Variants in ZNF711 observed in about 807,000 individuals in gnomAD.
ZNF711 encodes ZFX family zinc finger ZNF711.
A neutral mutation model predicts 43.5 loss-of-function variants in ZNF711; 3 were observed. That is an observed-to-expected ratio of 0.07 (90% confidence interval 0.03 to 0.18). ZNF711 has a LOEUF of 0.18. ZNF711 is among the 10% of genes least tolerant of loss of function. The pLI is 1.00. For synonymous variants in ZNF711, 209 were observed against 207.7 expected (o/e 1.01, Z -0.06); for missense variants, 412 against 604.0 (o/e 0.68, Z 3.33).
rs1928766948 is a variant in ZNF711 at position 85,244,145 on chromosome X, G to A, written c.-452G>A. 2.2e-5 allele frequency: 3 copies of A among 134,941 alleles called. No individual in the cohort carries two copies. Among genetic ancestry groups the A allele is most frequent in the African/African-American group, 3.6e-5 (1 of 27,627 alleles). 11.1% of individuals were successfully genotyped at this position (134,941 alleles called of 1,213,427 possible). The stretch of plus-strand genomic sequence containing the variant: ...CGGAGGCGGCGGCGGCGGCGGCGGC[G>A]GCAGCGGCGGCGGCAGCGGCGGCGG... On this transcript the variant is annotated 5_prime_UTR_variant, in exon 1 of 11. Transcript: ENST00000674551.
Position 85,271,080 on chromosome X carries a change from G to T in ZNF711, c.1676G>T (p.Gly559Val). The T allele has an allele frequency of 8.3e-7, 1 of 1,210,993 alleles. No individual in the cohort carries two copies. Among genetic ancestry groups the T allele is most frequent in the Non-Finnish European group, 1.1e-6 (1 of 895,221 alleles). Residue 559 changes from glycine to valine, a missense_variant, in exon 11 of 11, where the codon GGT (glycine) becomes GTT (valine). Around this residue, in one of 4 missense-constraint regions of ZNF711, gnomAD observed 375 missense variants for 514.2 expected, o/e 0.73. Transcript: ENST00000674551. ...FPHVCVECGK[G>V]FRHPSELKKH... ...CATGTTTGTGTTGAGTGTGGGAAGG[G>T]TTTTCGACATCCTTCTGAACTCAAG...
rs1388707784 is a variant in ZNF711, at chrX:85,244,150, C to CT, written c.-447_-446insT. On this transcript the variant is annotated 5_prime_UTR_variant, in exon 1 of 11. Transcript: ENST00000674551. ...GCGGCGGCGGCGGCGGCGGCGGCAG[C>CT]GGCGGCGGCAGCGGCGGCGGCAGCT... The CT allele has an allele frequency of 6.7e-6, 1 of 150,090 alleles. No homozygotes were observed. The highest frequency in any genetic ancestry group is 1.2e-5 in the Non-Finnish European group (1 of 80,866). The allele number at this position is 150,090 out of a possible 1,213,427, so 12.4% of individuals were successfully genotyped here. A position where few individuals can be genotyped will look rare whatever the true frequency, so the allele number is the denominator to read the frequency against.
At chrX:85,263,793 A>T (rs1602990574) in intron 5 of ZNF711, among the ~76,000 whole-genome samples, 1 of 111,304 alleles carries the variant, frequency 9.0e-6, no homozygotes, top group Admixed American at 9.6e-5. Context: ...TGTATCTATT[A>T]ATTGAAATCT....
intron 3 of ZNF711, 103 bp from the exon 4 acceptor site, chrX:85,247,444 C>T (rs1929126373): frequency 2.0e-6 from 1 of 498,653 alleles, no homozygotes; most frequent in African/African-American, 2.4e-5. Context: ...AATAAGCTTT[C>T]CACACTTGGT....
intron 4 of ZNF711, among the ~76,000 whole-genome samples, chrX:85,250,297 A>G (rs1354685346): frequency 9.0e-6 from 1 of 111,635 alleles, no homozygotes; most frequent in Non-Finnish European, 1.9e-5. Context: ...AGGAGAATAT[A>G]TATACACACA....
At chrX:85,269,381 CT>C (rs199938735) in intron 9 of ZNF711, among the ~76,000 whole-genome samples, 31 of 90,007 alleles carry the variant, frequency 3.4e-4, no homozygotes, top group South Asian at 1.0e-3. Flanking sequence ...TTTCTTTTTT[CT>C]TTTTTTTTTT....
chrX:85,270,032 A>C lies in ZNF711; in HGVS notation c.1132A>C (p.Arg378=), dbSNP rs1442910719. 8.3e-7 allele frequency: 1 copy of C among 1,210,857 alleles called. No individual in the cohort carries two copies. The highest frequency in any genetic ancestry group is 1.1e-6 in the Non-Finnish European group (1 of 894,839). The change falls in exon 10 of 11, where the codon AGA becomes CGA. Residue 378 remains arginine, a synonymous_variant. Coordinates refer to ENST00000674551, the MANE Select transcript of ZNF711 (RefSeq NM_001330574.2). ...TACTTTGGACTCAGCATTAGAAAGC[A>C]GAAGTAGTACAGCAGCACAGTACCT... The part of the protein sequence containing the change: ...GNTLDSALES[R]SSTAAQYLQI...
chrX:85,256,829 A>G (rs1032485284), intron 5 of ZNF711, among the ~76,000 whole-genome samples: 4 of 111,819 alleles, frequency 3.6e-5, no homozygotes, highest in Admixed American at 2.9e-4. Flanking sequence ...CCACTAAAAG[A>G]CTGCAAATAT....
At chrX:85,262,354 G>GTA (rs1263403253) in intron 5 of ZNF711, among the ~76,000 whole-genome samples, 1 of 110,332 alleles carries the variant, frequency 9.1e-6, no homozygotes, top group Non-Finnish European at 1.9e-5. Context: ...AACTATTCAT[G>GTA]TATAATAAAG....
intron 4 of ZNF711, among the ~76,000 whole-genome samples, chrX:85,253,347 T>C (rs1359808232): frequency 8.9e-6 from 1 of 112,193 alleles, no homozygotes; most frequent in Non-Finnish European, 1.9e-5. Context: ...GACACTTTCA[T>C]GTTCATGATG....
intron 10 of ZNF711, 115 bp from the exon 11 acceptor site, chrX:85,270,536 C>A: frequency 1.6e-6 from 1 of 638,789 alleles, no homozygotes; most frequent in South Asian, 2.6e-5. Flanking sequence ...TACAGGATTT[C>A]ATTCAACTAG....
At chrX:85,256,028 A>G (rs1311716535) in intron 5 of ZNF711, among the ~76,000 whole-genome samples, 1 of 111,541 alleles carries the variant, frequency 9.0e-6, no homozygotes, top group African/African-American at 3.3e-5. Flanking sequence ...GTTTATTAGT[A>G]TCTTAAAATA....
rs1200240972 is a variant in ZNF711 at position 85,255,454 on chromosome X, C to T, written c.275C>T (p.Ala92Val). ...VVTEGVIVPE[A>V]VLEADVAIEE... ...ACAGAAGGTGTGATTGTTCCTGAAG[C>T]GGTACTTGAAGCTGATGTTGCCATT... is the stretch of plus-strand genomic sequence containing the variant. The change falls in exon 5 of 11, where the codon GCG becomes GTG. Residue 92 changes from alanine (A) to valine (V), a missense_variant. Ala to Val is a moderately conservative substitution (Grantham distance 64). Transcript: ENST00000674551. 8 of 1,209,525 alleles carry T rather than the reference C, an allele frequency of 6.6e-6. No homozygotes were observed. Among genetic ancestry groups the T allele is most frequent in the South Asian group, 1.8e-5 (1 of 56,745 alleles).
chrX:85,250,515 CTTA>C (rs1031821379), intron 4 of ZNF711, among the ~76,000 whole-genome samples: 2 of 111,515 alleles, frequency 1.8e-5, no homozygotes, highest in Admixed American at 9.5e-5. Flanking sequence ...TTTAAAGGCA[CTTA>C]TTGTTGTTTT....
At chrX:85,263,255 T>C (rs930686018) in intron 5 of ZNF711, among the ~76,000 whole-genome samples, 10 of 111,154 alleles carry the variant, frequency 9.0e-5, no homozygotes, top group African/African-American at 1.3e-4. Context: ...TTAAATGTTA[T>C]CCTAAAAGAC....
At position 85,272,101 on chromosome X, in the gene ZNF711, G is replaced by A. The variant is rs1931617069; in HGVS notation, c.*273G>A. 1 of 293,301 alleles carries A rather than the reference G, an allele frequency of 3.4e-6. No homozygotes were observed. The highest frequency in any genetic ancestry group is 6.0e-6 in the Non-Finnish European group (1 of 167,995). The allele number at this position is 293,301 out of a possible 1,213,427, so 24.2% of individuals were successfully genotyped here. ...TTATATGCATACTTAAACTACAGAG[G>A]GGAAAAGCAAAGACAAATACTTTAT... is the stretch of plus-strand genomic sequence containing the variant. On this transcript the variant is annotated 3_prime_UTR_variant, in exon 11 of 11. Transcript: ENST00000674551.
intron 5 of ZNF711, among the ~76,000 whole-genome samples, chrX:85,261,273 A>T (rs998250833): frequency 9.0e-6 from 1 of 111,722 alleles, no homozygotes; most frequent in African/African-American, 3.2e-5. Flanking sequence ...TTGTTTATCC[A>T]TTCATCCATC....
Position 85,272,368 on chromosome X carries a change from T to C in ZNF711, c.*540T>C, listed in dbSNP as rs761918833. 2.0e-3 allele frequency: 232 copies of C among 115,581 alleles called. 3 individuals are homozygous for C. Among genetic ancestry groups the C allele is most frequent in the Non-Finnish European group, 3.4e-3 (185 of 55,207 alleles). 9.5% of individuals were successfully genotyped at this position (115,581 alleles called of 1,213,427 possible). On this transcript the variant is annotated 3_prime_UTR_variant, in exon 11 of 11. Coordinates refer to ENST00000674551, the MANE Select transcript of ZNF711 (RefSeq NM_001330574.2). ...AAAAGAAAACTAACTGGAAAACAGG[T>C]TAGATTAATTCAGTACTATTAAAAA...
intron 5 of ZNF711, among the ~76,000 whole-genome samples, chrX:85,261,921 G>A (rs1930681899): frequency 9.0e-6 from 1 of 111,023 alleles, no homozygotes; most frequent in Non-Finnish European, 1.9e-5. Context: ...TATTTCTAAA[G>A]TCAGTTGATT....
Sources: gnomAD v4.1 joint callset for allele counts (sites outside exome capture counted in the v4.1 genomes callset) on GRCh38, gnomAD v4.1.1 for gene constraint, gnomAD v4.1.1 regional missense constraint, MANE v1.5 for transcripts, NCBI Gene and HGNC (gene_info 2026-07-23, HGNC 2026-07-21) for gene names.